The following GRIK4 variants were observed in gnomAD, a reference collection of about 807,000 sequenced individuals.
GRIK4 encodes glutamate receptor ionotropic, kainate 4.
A neutral mutation model predicts 104.9 loss-of-function variants in GRIK4; 40 were observed. The ratio of observed to expected loss-of-function variants is 0.38; its 90% CI spans 0.30 to 0.50. The LOEUF is 0.50. Among genes scored for constraint, GRIK4 ranks in the 20% least tolerant of loss-of-function variants. The pLI, the probability that GRIK4 is intolerant of heterozygous loss-of-function variation, is 0.93. For synonymous variants in GRIK4, 485 were observed against 524.9 expected (o/e 0.92, Z 1.04); for missense variants, 1,047 against 1,308.1 (o/e 0.80, Z 3.08).
At chr11:120,703,370 A>G (rs61901377) in intron 3 of GRIK4, among the ~76,000 whole-genome samples, 18,115 of 152,034 alleles carry the variant, frequency 0.12, 1,168 homozygotes, top group South Asian at 0.19. Flanking sequence ...AGGGGGCTGG[A>G]TTGGCTTGAG....
At chr11:120,625,650 G>A (rs1717603517) in intron 1 of GRIK4, among the ~76,000 whole-genome samples, 1 of 151,958 alleles carries the variant, frequency 6.6e-6, no homozygotes, top group Admixed American at 6.6e-5. Context: ...CTGGGTCTCG[G>A]TGGGCAGAAG....
chr11:120,972,283 G>A (rs1944487991), intron 19 of GRIK4, among the ~76,000 whole-genome samples: 1 of 152,224 alleles, frequency 6.6e-6, no homozygotes, highest in Non-Finnish European at 1.5e-5. Flanking sequence ...GAAAGCTGGT[G>A]TGGTGGGATG....
chr11:120,759,504 T>C (rs1951708799), intron 3 of GRIK4, among the ~76,000 whole-genome samples: 1 of 152,060 alleles, frequency 6.6e-6, no homozygotes, highest in Non-Finnish European at 1.5e-5. Context: ...TATTGTGGGC[T>C]ATCAGTAGCA....
At chr11:120,813,774 T>C (rs2135530930) in intron 4 of GRIK4, among the ~76,000 whole-genome samples, 1 of 152,332 alleles carries the variant, frequency 6.6e-6, no homozygotes, top group South Asian at 2.1e-4. Flanking sequence ...ACTAGTCCCT[T>C]AACCTCAATT....
chr11:120,551,782 T>TA (rs201914317), intron 1 of GRIK4, among the ~76,000 whole-genome samples: 1 of 148,038 alleles, frequency 6.8e-6, no homozygotes, highest in African/African-American at 2.6e-5. Flanking sequence ...CTCTGTAAAA[T>TA]AAATAAATAA....
intron 13 of GRIK4, among the ~76,000 whole-genome samples, chr11:120,931,919 C>T (rs1299716960): frequency 6.6e-6 from 1 of 152,154 alleles, no homozygotes; most frequent in Non-Finnish European, 1.5e-5. Flanking sequence ...GCCACTCTGG[C>T]CTTCCCACAG....
rs1486928887 is a variant in GRIK4 at position 120,902,558 on chromosome 11, A to G, written c.1273-2732A>G. Among the ~76,000 whole-genome samples the G allele has an allele frequency of 6.6e-6, 1 of 152,168 alleles. No homozygotes were observed. The highest frequency in any genetic ancestry group is 2.4e-5 in the African/African-American group (1 of 41,420). ...ACCCCCAGCCATGCCCTGTCCAGGAAGCCATTTGTTTGCTTCTTACTCACA... is the reference window on the plus strand; with the variant it reads ...ACCCCCAGCCATGCCCTGTCCAGGAGGCCATTTGTTTGCTTCTTACTCACA... On this transcript the variant is annotated intron_variant, in intron 12 of 20. Coordinates refer to ENST00000527524, the MANE Select transcript of GRIK4 (RefSeq NM_014619.5). The surrounding 1 kb of genome is among the most constrained non-coding windows in gnomAD (Gnocchi z 4.5).
chr11:120,673,532 A>G (rs1382003672), intron 3 of GRIK4, among the ~76,000 whole-genome samples: 1 of 152,198 alleles, frequency 6.6e-6, no homozygotes, highest in Non-Finnish European at 1.5e-5. Context: ...CTCAGCATCA[A>G]CCTGAGTTTT....
At chr11:120,677,273 G>GTGGGCTCCGC (rs1306839835) in intron 3 of GRIK4, among the ~76,000 whole-genome samples, 1 of 152,200 alleles carries the variant, frequency 6.6e-6, no homozygotes, top group African/African-American at 2.4e-5. Context: ...CCTGTGTTGT[G>GTGGGCTCCGC]TGGGCTCCGC....
At chr11:120,580,167 A>G (rs1201301497) in intron 1 of GRIK4, among the ~76,000 whole-genome samples, 1 of 152,016 alleles carries the variant, frequency 6.6e-6, no homozygotes, top group Non-Finnish European at 1.5e-5. Flanking sequence ...AATTTCAAAT[A>G]AGGCTGTTCT....
chr11:120,745,075 T>C lies in GRIK4; in HGVS notation c.83-57618T>C, dbSNP rs571705645. Among the ~76,000 whole-genome samples the C allele has an allele frequency of 2.6e-5, 4 of 152,268 alleles. No homozygotes were observed. In the South Asian group the frequency reaches 8.3e-4, roughly 32 times the overall value. ...GAGGGGAATTGAGTAGGGATGTAAA[T>C]GGGAATGACCGTCCCACCTCATCCT... On this transcript the variant is annotated intron_variant, in intron 3 of 20. Coordinates refer to ENST00000527524, the MANE Select transcript of GRIK4 (RefSeq NM_014619.5).
rs1591363253 is a variant in GRIK4 at position 120,988,320 on chromosome 11, A to G, written c.*2060A>G. 6.6e-6 allele frequency: 1 copy of G among 151,932 alleles called. No homozygotes were observed. Among genetic ancestry groups the G allele is most frequent in the African/African-American group, 2.4e-5 (1 of 41,392 alleles). 9.4% of individuals were successfully genotyped at this position (151,932 alleles called of 1,614,324 possible). A position where few individuals can be genotyped will look rare whatever the true frequency, so the allele number is the denominator to read the frequency against. On this transcript the variant is annotated 3_prime_UTR_variant, in exon 21 of 21. Coordinates refer to ENST00000527524, the MANE Select transcript of GRIK4 (RefSeq NM_014619.5). ...GCACCCGAAGGCCAGCTGACAACAA[A>G]CCCCAATGGTGCCACTCTGCTCCAA...
rs529092809 is a variant in GRIK4, at chr11:120,595,139, C to A, written c.-158-58546C>A. 6.6e-5 allele frequency among the ~76,000 whole-genome samples: 10 copies of A among 152,356 alleles called. No individual in the cohort carries two copies. The South Asian group carries it at 2.1e-3, about 32-fold the overall frequency. ...TTGCATGTGGCTGAGCACATCCTAA[C>A]CAGTATCTTTCCTCCCGCTCGCTGT... On this transcript the variant is annotated intron_variant, in intron 1 of 20. Coordinates refer to ENST00000527524, the MANE Select transcript of GRIK4 (RefSeq NM_014619.5).
intron 8 of GRIK4, among the ~76,000 whole-genome samples, chr11:120,849,086 A>G (rs989865957): frequency 1.3e-5 from 2 of 152,144 alleles, no homozygotes; most frequent in African/African-American, 4.8e-5. Context: ...GGGCTCCCAG[A>G]GCTGAGTTTG....
Position 120,902,395 on chromosome 11 carries a change from G to T in GRIK4, c.1273-2895G>T, listed in dbSNP as rs1942761532. On this transcript the variant is annotated intron_variant, in intron 12 of 20. Coordinates refer to ENST00000527524, the MANE Select transcript of GRIK4 (RefSeq NM_014619.5). This position sits in a 1 kb window ranked among gnomAD's most constrained non-coding sequence, Gnocchi z 4.5. ...GCTTTCCAACGCGTCTCCAAGACCG[G>T]CCTTGTGTCTGTTCACTTTGAATAT... Among the ~76,000 whole-genome samples the T allele has an allele frequency of 6.6e-6, 1 of 152,112 alleles. No individual in the cohort carries two copies. The highest frequency in any genetic ancestry group is 1.5e-5 in the Non-Finnish European group (1 of 68,042).
chr11:120,800,480 A>G (rs890471998), intron 3 of GRIK4, among the ~76,000 whole-genome samples: 3 of 152,060 alleles, frequency 2.0e-5, no homozygotes, highest in African/African-American at 7.2e-5. Flanking sequence ...TGTGGGGGTG[A>G]TTGAAATGTT....
chr11:120,666,296 T>C (rs1949913128), intron 3 of GRIK4, among the ~76,000 whole-genome samples: 2 of 152,086 alleles, frequency 1.3e-5, no homozygotes, highest in Admixed American at 1.3e-4. Context: ...AGGTGAGTGG[T>C]CAGGTCAGGA....
At chr11:120,768,872 G>A (rs898912713) in intron 3 of GRIK4, among the ~76,000 whole-genome samples, 3 of 152,188 alleles carry the variant, frequency 2.0e-5, no homozygotes, top group African/African-American at 7.2e-5. Flanking sequence ...AACCAGCCTT[G>A]CATGCCAGGC....
intron 1 of GRIK4, chr11:120,515,016 CAGCAGCCGT>C: frequency 2.2e-6 from 1 of 456,722 alleles, no homozygotes; most frequent in Non-Finnish European, 4.4e-6. Flanking sequence ...GACCCTGTCT[CAGCAGCCGT>C]CAGTGGCAGT....
Sources: allele counts gnomAD v4.1 joint callset (sites outside exome capture counted in the v4.1 genomes callset), GRCh38; gene constraint gnomAD v4.1.1; non-coding constraint Gnocchi (gnomAD v3.1); transcripts MANE v1.5; gene names NCBI Gene and HGNC (gene_info 2026-07-23, HGNC 2026-07-21).